Variants in TNRC18 observed in about 807,000 individuals in gnomAD.
TNRC18 encodes trinucleotide repeat-containing gene 18 protein.
In TNRC18, 69 loss-of-function variants were observed where a neutral mutation model predicts 226.7. The observed-to-expected ratio is 0.30, with a 90% CI of 0.25 to 0.37. The LOEUF (loss-of-function observed/expected upper bound fraction) is 0.37. TNRC18 is among the 10% of genes least tolerant of loss of function. TNRC18 has a pLI of 1.00. For missense variants in TNRC18, 4,754 were observed against 4,256.6 expected, an observed-to-expected ratio of 1.12 and a Z score of -3.25; for synonymous variants, 2,449 against 1,927.6, an observed-to-expected ratio of 1.27 and a Z score of -7.09.
intron 11 of TNRC18, among the ~76,000 whole-genome samples, chr7:5,367,225 T>A (rs1385440114): frequency 1.3e-5 from 2 of 151,792 alleles, no homozygotes; most frequent in African/African-American, 4.8e-5. Flanking sequence ...ATTAGCTGGA[T>A]GTGGTAGCAT....
rs1274468800 is a variant in TNRC18, at chr7:5,421,418, G to A, written c.-172C>T. ...CTCGGCGGCGGGCCCGCGGCCCGGG[G>A]CGCACAGGCGGCCGGCGGTGGGGCC... On this transcript the variant is annotated 5_prime_UTR_variant, in exon 2 of 30. Coordinates refer to ENST00000430969, the MANE Select transcript of TNRC18 (RefSeq NM_001080495.3). The A allele has an allele frequency of 4.9e-6, 2 of 405,116 alleles. No homozygotes were observed. Among genetic ancestry groups the A allele is most frequent in the Non-Finnish European group, 6.7e-6 (2 of 299,050 alleles). The allele number at this position is 405,116 out of a possible 1,614,324, so 25.1% of individuals were successfully genotyped here.
chr7:5,333,305 C>T (rs1275946711), intron 18 of TNRC18, among the ~76,000 whole-genome samples: 3 of 152,216 alleles, frequency 2.0e-5, no homozygotes, highest in Non-Finnish European at 4.4e-5. Flanking sequence ...AGATCCTGGG[C>T]CCCTTGAGCT....
At position 5,313,465 on chromosome 7, in the gene TNRC18, T is replaced by G; in HGVS notation, c.7426A>C (p.Lys2476Gln). The G allele has an allele frequency of 6.2e-7, 1 of 1,613,088 alleles. No homozygotes were observed. The stretch of plus-strand genomic sequence containing the variant: ...CGGAGCAGCAGGGCCTCTTTAGCCT[T>G]CTTGCTTTTGGGTGACGTGACACCC... ...HEGVTSPKSK[K>Q]AKEALLLRED... The change falls in exon 27 of 30, where the codon AAG (lysine) becomes CAG (glutamine). Residue 2476 changes from lysine to glutamine, a missense_variant. Coordinates refer to ENST00000430969, the MANE Select transcript of TNRC18 (RefSeq NM_001080495.3).
At chr7:5,355,420 G>C (rs1370085627) in intron 16 of TNRC18, among the ~76,000 whole-genome samples, 2 of 152,094 alleles carry the variant, frequency 1.3e-5, no homozygotes, top group Non-Finnish European at 2.9e-5. Flanking sequence ...TTGATCCCAG[G>C]AGTTTAAGAC....
intron 24 of TNRC18, 26 bp from the exon 25 acceptor site, chr7:5,316,098 G>A (rs751352350): frequency 8.2e-6 from 13 of 1,581,406 alleles, no homozygotes; most frequent in Admixed American, 5.2e-5. Flanking sequence ...AGGCTCAGGG[G>A]AGGCCCTCGG....
intron 19 of TNRC18, among the ~76,000 whole-genome samples, chr7:5,328,766 T>G (rs1343902963): frequency 5.3e-5 from 8 of 151,628 alleles, no homozygotes; most frequent in African/African-American, 9.7e-5. Flanking sequence ...CGCCTCGGCC[T>G]CCCAAAGTGC....
intron 2 of TNRC18, among the ~76,000 whole-genome samples, chr7:5,413,178 G>A (rs1781949689): frequency 6.6e-6 from 1 of 152,186 alleles, no homozygotes; most frequent in African/African-American, 2.4e-5. Context: ...TCTGGCTGGA[G>A]GACAAGGCTA....
In TNRC18 at chr7:5,312,309, C is replaced by A. The variant is rs1294512889; in HGVS notation, c.8388+194G>T. On this transcript the variant is annotated intron_variant, in intron 27 of 29. Coordinates refer to ENST00000430969, the MANE Select transcript of TNRC18 (RefSeq NM_001080495.3). The surrounding 1 kb of genome is among the most constrained non-coding windows in gnomAD (Gnocchi z 6.3). ...ACTCTGCTCTGAAGGACTCGGGCAT[C>A]GGAGTCCGACAGACCCAGGTGCCTG... Among the ~76,000 whole-genome samples the A allele has an allele frequency of 6.6e-6, 1 of 152,204 alleles. No homozygotes were observed. Among genetic ancestry groups the A allele is most frequent in the African/African-American group, 2.4e-5 (1 of 41,448 alleles).
chr7:5,359,695 G>T (rs1051976308), intron 14 of TNRC18, 126 bp from the exon 15 acceptor site: 2 of 996,034 alleles, frequency 2.0e-6, no homozygotes, highest in Non-Finnish European at 1.5e-6. Flanking sequence ...GCAGAGTGAC[G>T]GGCGTGGGGA....
At chr7:5,329,444 G>A (rs1317231704) in intron 19 of TNRC18, among the ~76,000 whole-genome samples, 1 of 152,044 alleles carries the variant, frequency 6.6e-6, no homozygotes. Flanking sequence ...AGCACTTTGG[G>A]AGGCTGAGGT....
chr7:5,347,979 T>C (rs765980381), intron 17 of TNRC18, among the ~76,000 whole-genome samples: 3 of 151,986 alleles, frequency 2.0e-5, no homozygotes, highest in South Asian at 2.1e-4. Flanking sequence ...TAATAAAAAC[T>C]TTAAAAACAT....
rs1278098830 is a variant in TNRC18, at chr7:5,309,747, G to A, written c.8389-379C>T. Among the ~76,000 whole-genome samples, 2 of 152,114 alleles carry A rather than the reference G, an allele frequency of 1.3e-5. No individual in the cohort carries two copies. Among genetic ancestry groups the A allele is most frequent in the South Asian group, 2.1e-4 (1 of 4,830 alleles). On this transcript the variant is annotated intron_variant, in intron 27 of 29. Coordinates refer to ENST00000430969, the MANE Select transcript of TNRC18 (RefSeq NM_001080495.3). The surrounding 1 kb of genome is among the most constrained non-coding windows in gnomAD (Gnocchi z 5.7). ...AGCCTCTGAGGAGCTGAGAATACAG[G>A]CGCACACCACGCCCGGCTAATTTTG...
intron 29 of TNRC18, among the ~76,000 whole-genome samples, chr7:5,308,527 AAGAGATCCAAAGACGC>A (rs1277480880): frequency 6.6e-6 from 1 of 152,164 alleles, no homozygotes; most frequent in Non-Finnish European, 1.5e-5. Flanking sequence ...TAGACAGACC[AAGAGATCCAAAGACGC>A]AGAGAGACAG....
At chr7:5,321,825 C>G (rs1346247442) in intron 21 of TNRC18, among the ~76,000 whole-genome samples, 2 of 151,802 alleles carry the variant, frequency 1.3e-5, no homozygotes, top group Non-Finnish European at 2.9e-5. Context: ...GTGCCTGCCA[C>G]CAGGCCCGGC....
intron 24 of TNRC18, among the ~76,000 whole-genome samples, chr7:5,316,638 C>T (rs1162427412): frequency 7.2e-5 from 11 of 152,112 alleles, no homozygotes; most frequent in African/African-American, 1.9e-4. Flanking sequence ...CATGCACCTG[C>T]GCCCGCTCAT....
chr7:5,409,606 T>G (rs1166143523), intron 2 of TNRC18, among the ~76,000 whole-genome samples: 1 of 150,930 alleles, frequency 6.6e-6, no homozygotes, highest in African/African-American at 2.4e-5. Context: ...TAATAATAAT[T>G]AAATCGAAAG....
At chr7:5,320,754 C>T in intron 22 of TNRC18, 147 bp from the exon 23 acceptor site, 1 of 707,996 alleles carries the variant, frequency 1.4e-6, no homozygotes, top group South Asian at 1.9e-5. Flanking sequence ...TGGGAATTCT[C>T]CCCCTTTTCT....
chr7:5,352,592 T>A (rs889960482), intron 16 of TNRC18, among the ~76,000 whole-genome samples: 2 of 152,366 alleles, frequency 1.3e-5, no homozygotes, highest in African/African-American at 4.8e-5. Flanking sequence ...CAGGCCACAG[T>A]AAGGGTGTTT....
At chr7:5,358,680 G>A (rs1311122127) in intron 15 of TNRC18, among the ~76,000 whole-genome samples, 1 of 152,216 alleles carries the variant, frequency 6.6e-6, no homozygotes. Context: ...TGGACATAGT[G>A]GTGGGCACCT....
Sources: allele counts gnomAD v4.1 joint callset (sites outside exome capture counted in the v4.1 genomes callset), GRCh38; gene constraint gnomAD v4.1.1; non-coding constraint Gnocchi (gnomAD v3.1); transcripts MANE v1.5; gene names NCBI Gene and HGNC (gene_info 2026-07-23, HGNC 2026-07-21).